PARP12: variants seen among roughly 807,000 people sequenced by gnomAD.
PARP12 encodes protein mono-ADP-ribosyltransferase PARP12.
A neutral mutation model predicts 72.4 loss-of-function variants in PARP12; 59 were observed. That is an observed-to-expected ratio of 0.81 (90% CI 0.66 to 1.01). PARP12 has a LOEUF of 1.01. PARP12 is among the 50% of genes least tolerant of loss of function. The pLI is 0.00. For missense variants in PARP12, 851 were observed against 914.0 expected, an observed-to-expected ratio of 0.93 and a Z score of 0.89; for synonymous variants, 403 against 371.4, an observed-to-expected ratio of 1.09 and a Z score of -0.98.
In PARP12 at chr7:140,024,662, C is replaced by G. The variant is rs762366361; in HGVS notation, c.2004G>C (p.Gln668His). The G allele has an allele frequency of 1.2e-6, 2 of 1,614,098 alleles. No homozygotes were observed. Among genetic ancestry groups the G allele is most frequent in the African/African-American group, 1.3e-5 (1 of 75,006 alleles). The part of the protein sequence containing the change: ...PSIFVIFEKH[Q>H]VYPEYVIQYT... ...ACTGGATGACATACTCTGGGTAGAC[C>G]TGGTGTTTCTCAAAGATCACAAAGA... is the stretch of plus-strand genomic sequence containing the variant. Residue 668 changes from glutamine to histidine, a missense_variant, in exon 12 of 12, where the codon CAG (glutamine) becomes CAC (histidine). By Grantham distance (24) the Gln-to-His change is conservative. Coordinates refer to ENST00000263549, the MANE Select transcript of PARP12 (RefSeq NM_022750.4).
intron 1 of PARP12, 130 bp downstream of exon 1, chr7:140,062,392 G>T: frequency 1.1e-6 from 1 of 920,040 alleles, no homozygotes; most frequent in Non-Finnish European, 1.5e-6. Context: ...TTTAGTGAAT[G>T]ACGGTGCGAG....
intron 5 of PARP12, 81 bp downstream of exon 5, chr7:140,046,797 ACAGTGT>A: frequency 1.1e-6 from 1 of 907,236 alleles, no homozygotes; most frequent in East Asian, 3.8e-5. Flanking sequence ...TAGGCTGCTC[ACAGTGT>A]GTGTGTGTGT....
chr7:140,057,015 A>G lies in PARP12; in HGVS notation c.601T>C (p.Phe201Leu). The change falls in exon 3 of 12, where the codon TTC becomes CTC. Residue 201 changes from phenylalanine to leucine, a missense_variant. Around this residue, in one of 3 missense-constraint regions of PARP12, gnomAD observed 492 missense variants for 489.3 expected, o/e 1.01. Coordinates refer to ENST00000263549, the MANE Select transcript of PARP12 (RefSeq NM_022750.4). ...TTTTCCAGATTCTCAGAATTAGAGA[A>G]ATCATGGGATCTCTTACAGCTAGTG... ...FGTSCKRSHD[F>L]SNSENLEKLE... The G allele has an allele frequency of 6.2e-7, 1 of 1,614,262 alleles. No individual in the cohort carries two copies. The highest frequency in any genetic ancestry group is 1.1e-5 in the South Asian group (1 of 91,086).
At position 140,062,799 on chromosome 7, in the gene PARP12, C is replaced by T. The variant is rs1338941321; in HGVS notation, c.49G>A (p.Ala17Thr). 1 of 1,414,214 alleles carries T rather than the reference C, an allele frequency of 7.1e-7. No individual in the cohort carries two copies. The highest frequency in any genetic ancestry group is 9.2e-7 in the Non-Finnish European group (1 of 1,081,664). The allele number at this position is 1,414,214 out of a possible 1,614,324, so 87.6% of individuals were successfully genotyped here. The stretch of plus-strand genomic sequence containing the variant: ...TCGGGCAACTCCAGGGCGCCCCCGG[C>T]CGCGCACAGCACCTGGGTGACCTCA... ...VGEVTQVLCAAGGALELPELR... is the reference protein window; with the variant it reads ...VGEVTQVLCATGGALELPELR... The change falls in exon 1 of 12, where the codon GCC (alanine) becomes ACC (threonine). Residue 17 changes from alanine (A) to threonine (T), a missense_variant. Around this residue, in one of 3 missense-constraint regions of PARP12, gnomAD observed 492 missense variants for 489.3 expected, o/e 1.01. Coordinates refer to ENST00000263549, the MANE Select transcript of PARP12 (RefSeq NM_022750.4).
chr7:140,062,507 G>C lies in PARP12; in HGVS notation c.326+15C>G, dbSNP rs1319453407. On this transcript the variant is annotated intron_variant, in intron 1 of 11. Transcript: ENST00000263549. ...AGGACCTCCGCCCGCCGTCGCTCCC[G>C]GCGCGGCGCCTTACCCGGCTCTCAG... The C allele has an allele frequency of 1.3e-6, 2 of 1,535,258 alleles. No homozygotes were observed. Among genetic ancestry groups the C allele is most frequent in the Non-Finnish European group, 1.7e-6 (2 of 1,145,400 alleles).
At chr7:140,035,593 T>C (rs757083835) in intron 7 of PARP12, among the ~76,000 whole-genome samples, 2 of 152,218 alleles carry the variant, frequency 1.3e-5, no homozygotes, top group Non-Finnish European at 2.9e-5. Flanking sequence ...TCCTGGCATT[T>C]GCCTTGAGTG....
intron 5 of PARP12, among the ~76,000 whole-genome samples, chr7:140,045,163 G>A (rs575117677): frequency 6.6e-6 from 1 of 152,102 alleles, no homozygotes; most frequent in East Asian, 1.9e-4. Flanking sequence ...CTGAGTAGCT[G>A]GGACTACAGG....
rs370937330 is a variant in PARP12 at position 140,054,839 on chromosome 7, T to C, written c.761-76A>G. ...AGAGAGTTAAAGAGGATTCATTCAG[T>C]TCTCTGCACAAAAGTGGGCAACGCA... is the stretch of plus-strand genomic sequence containing the variant. On this transcript the variant is annotated intron_variant, in intron 3 of 11. Transcript: ENST00000263549. The C allele has an allele frequency of 2.7e-5, 35 of 1,304,222 alleles. No homozygotes were observed. In the African/African-American group the frequency reaches 4.5e-4, roughly 17 times the overall value. 80.8% of individuals were successfully genotyped at this position (1,304,222 alleles called of 1,614,324 possible). A position where few individuals can be genotyped will look rare whatever the true frequency, so the allele number is the denominator to read the frequency against.
At chr7:140,045,079 G>T (rs1816662318) in intron 5 of PARP12, among the ~76,000 whole-genome samples, 1 of 151,280 alleles carries the variant, frequency 6.6e-6, no homozygotes, top group African/African-American at 2.4e-5. Flanking sequence ...ACCCAGACTG[G>T]AGTGTAGTGA....
chr7:140,057,327 T>C (rs1817228657), intron 2 of PARP12, 174 bp from the exon 3 acceptor site: 2 of 670,724 alleles, frequency 3.0e-6, no homozygotes, highest in Non-Finnish European at 5.0e-6. Flanking sequence ...CAAATGCCCT[T>C]GGCTAAAAGG....
At chr7:140,035,890 AGAGGAGGAGGACGAGGAG>A (rs1160131964) in intron 7 of PARP12, among the ~76,000 whole-genome samples, 1 of 119,022 alleles carries the variant, frequency 8.4e-6, no homozygotes, top group Non-Finnish European at 1.8e-5. Context: ...AGGAAGAGGA[AGAGGAGGAGGACGAGGAG>A]GAGGACAAGG....
intron 11 of PARP12, chr7:140,025,421 TG>T: frequency 3.1e-6 from 1 of 326,882 alleles, no homozygotes; most frequent in Middle Eastern, 3.9e-4. Context: ...TTGCCATCGC[TG>T]CCTCAGACGG....
At chr7:140,054,850 A>C in intron 3 of PARP12, 87 bp from the exon 4 acceptor site, 1 of 1,171,980 alleles carries the variant, frequency 8.5e-7, no homozygotes, top group East Asian at 2.4e-5. Context: ...TCTCTGCACA[A>C]AAGTGGGCAA....
At chr7:140,049,368 G>A (rs182689374) in intron 4 of PARP12, among the ~76,000 whole-genome samples, 5 of 152,344 alleles carry the variant, frequency 3.3e-5, no homozygotes, top group African/African-American at 1.2e-4. Flanking sequence ...TCAAGCAGGT[G>A]TGTACACAAC....
intron 4 of PARP12, among the ~76,000 whole-genome samples, chr7:140,051,687 G>A (rs552989557): frequency 1.4e-4 from 21 of 152,176 alleles, no homozygotes; most frequent in South Asian, 4.1e-4. Context: ...CACCATGACC[G>A]ACCTAAAGAT....
At chr7:140,041,903 C>T in intron 5 of PARP12, 64 bp from the exon 6 acceptor site, 2 of 1,377,016 alleles carry the variant, frequency 1.5e-6, no homozygotes, top group Non-Finnish European at 2.0e-6. Flanking sequence ...GGTCCCTCAG[C>T]TTGAGAACAT....
chr7:140,048,939 C>G (rs10274187), intron 4 of PARP12, among the ~76,000 whole-genome samples: 80,941 of 151,950 alleles, frequency 0.53, 24,043 homozygotes, highest in African/African-American at 0.8. Context: ...GGTGTGAGGG[C>G]GACTTATTTC....
intron 5 of PARP12, among the ~76,000 whole-genome samples, chr7:140,044,183 G>C (rs1816615945): frequency 6.6e-6 from 1 of 152,052 alleles, no homozygotes; most frequent in African/African-American, 2.4e-5. Context: ...AACAGCCAGA[G>C]AGAAAAAAAC....
At chr7:140,038,871 A>G (rs1426250799) in intron 6 of PARP12, among the ~76,000 whole-genome samples, 9 of 152,046 alleles carry the variant, frequency 5.9e-5, no homozygotes, top group Admixed American at 2.6e-4. Flanking sequence ...GGAGAAGGGG[A>G]AAAAAAAGTA....
Sources: gnomAD v4.1 joint callset for allele counts (sites outside exome capture counted in the v4.1 genomes callset) on GRCh38, gnomAD v4.1.1 for gene constraint, gnomAD v4.1.1 regional missense constraint, MANE v1.5 for transcripts, NCBI Gene and HGNC (gene_info 2026-07-23, HGNC 2026-07-21) for gene names.